Variants in NBAS observed in about 807,000 individuals in gnomAD.
NBAS encodes the protein NAG/BC035112 fusion.
NBAS carries 219 observed loss-of-function variants against 302.5 expected under a neutral mutation model. That is an observed-to-expected ratio of 0.72 (90% CI 0.65 to 0.81). The LOEUF (loss-of-function observed/expected upper bound fraction) is 0.81, where lower values mean the gene tolerates loss of function less well. Ranked by LOEUF, NBAS falls within the 30% of genes least tolerant of loss-of-function variation. The pLI is 0.00. For missense variants in NBAS, 2,932 were observed against 2,841.6 expected (o/e 1.03, Z -0.72); for synonymous variants, 1,118 against 1,021.6 (o/e 1.09, Z -1.80).
chr2:14,929,660 A>C, the NBAS span, among the ~76,000 whole-genome samples: 5 of 151,996 alleles, frequency 3.3e-5, no homozygotes, highest in African/African-American at 1.2e-4. Flanking sequence ...TTACAGGGGT[A>C]AGCCACCACT....
the NBAS span, among the ~76,000 whole-genome samples, chr2:14,892,792 CT>C: frequency 1.3e-5 from 2 of 151,708 alleles, no homozygotes; most frequent in Non-Finnish European, 2.9e-5. Context: ...TAGTGTATTA[CT>C]TTTTGAATAC....
chr2:15,531,527 G>T (rs1663214973), intron 9 of NBAS, among the ~76,000 whole-genome samples: 1 of 152,118 alleles, frequency 6.6e-6, no homozygotes, highest in African/African-American at 2.4e-5. Context: ...TCAAAACGTG[G>T]CAAATTAAAA....
the NBAS span, among the ~76,000 whole-genome samples, chr2:14,948,060 C>T: frequency 6.6e-6 from 1 of 151,818 alleles, no homozygotes; most frequent in South Asian, 2.1e-4. Flanking sequence ...GTTTGATGGA[C>T]AAAGTAAGAC....
intron 50 of NBAS, among the ~76,000 whole-genome samples, chr2:15,184,555 T>C (rs1252474031): frequency 1.3e-5 from 2 of 152,124 alleles, no homozygotes; most frequent in Admixed American, 6.5e-5. Flanking sequence ...CTTGTGCTCC[T>C]ATAAGAATCT....
the NBAS span, among the ~76,000 whole-genome samples, chr2:14,808,833 T>G: frequency 6.6e-6 from 1 of 152,198 alleles, no homozygotes; most frequent in Non-Finnish European, 1.5e-5. Flanking sequence ...GTTGAGTGGC[T>G]TTGAGCAAAA....
At position 15,394,246 on chromosome 2, in the gene NBAS, T is replaced by C. The variant is rs745895319; in HGVS notation, c.3238A>G (p.Thr1080Ala). The C allele has an allele frequency of 1.2e-6, 2 of 1,610,824 alleles. No individual in the cohort carries two copies. Among genetic ancestry groups the C allele is most frequent in the Admixed American group, 3.3e-5 (2 of 59,734 alleles). ...ACTCACTTCCGGCCAGTGTGCCTCG[T>C]CAATCTAACCATCAGCTTGCGTGCC... ...EEARKLMVRL[T>A]RHTGRKQPPV... Residue 1080 changes from threonine (T) to alanine (A), a missense_variant, in exon 28 of 52, where the codon ACG becomes GCG. Thr to Ala is a moderately conservative substitution (Grantham distance 58). Transcript: ENST00000281513.
At chr2:15,466,051 G>A (rs894792423) in intron 19 of NBAS, among the ~76,000 whole-genome samples, 1 of 152,054 alleles carries the variant, frequency 6.6e-6, no homozygotes, top group Non-Finnish European at 1.5e-5. Flanking sequence ...AAACTACTAA[G>A]AGTGTTTTGT....
chr2:14,801,656 A>G, the NBAS span, among the ~76,000 whole-genome samples: 3 of 151,656 alleles, frequency 2.0e-5, no homozygotes, highest in East Asian at 1.9e-4. Flanking sequence ...TCCTTTTATT[A>G]TGGGTTATAT....
At chr2:14,836,542 C>T in the NBAS span, among the ~76,000 whole-genome samples, 7 of 151,866 alleles carry the variant, frequency 4.6e-5, no homozygotes, top group Admixed American at 3.3e-4. Flanking sequence ...AGTGCTCTTC[C>T]GTGTGCGTGA....
At chr2:15,098,397 A>G in the NBAS span, among the ~76,000 whole-genome samples, 14 of 66,064 alleles carry the variant, frequency 2.1e-4, 1 homozygote, top group African/African-American at 8.4e-4. Flanking sequence ...ATTGTATATT[A>G]TATATTATAT....
intron 24 of NBAS, 51 bp from the exon 25 acceptor site, chr2:15,415,770 A>C (rs756621202): frequency 6.3e-7 from 1 of 1,588,444 alleles, no homozygotes; most frequent in Non-Finnish European, 8.6e-7. Context: ...GTTAAACTAA[A>C]TGCCTTATTA....
intron 48 of NBAS, among the ~76,000 whole-genome samples, chr2:15,206,168 G>A (rs1283057195): frequency 6.6e-6 from 1 of 152,188 alleles, no homozygotes; most frequent in African/African-American, 2.4e-5. Context: ...CTCAGATGGA[G>A]ATGAGGAAGT....
rs1465932652 is a variant in NBAS, at chr2:15,247,676, C to A, written c.5725-8990G>T. ...CCAAGAAGAGCTACTCTCTCTCTCT[C>A]TCTCTATATATATATCTATATATCT... is the stretch of plus-strand genomic sequence containing the variant. On this transcript the variant is annotated intron_variant, in intron 44 of 51. Transcript: ENST00000281513. Among the ~76,000 whole-genome samples, 43 of 128,432 alleles carry A rather than the reference C, an allele frequency of 3.3e-4. No homozygotes were observed. In the East Asian group the frequency reaches 3.9e-3, roughly 12 times the overall value. The allele number at this position is 128,432 out of a possible 152,430, so 84.3% of individuals were successfully genotyped here.
At chr2:15,229,340 C>CAA (rs1331577908) in intron 47 of NBAS, among the ~76,000 whole-genome samples, 2 of 9,686 alleles carry the variant, frequency 2.1e-4, no homozygotes, top group South Asian at 3.4e-3. Context: ...GACTCTGTCT[C>CAA]AAAAAACAAA....
At chr2:15,087,220 A>G in the NBAS span, among the ~76,000 whole-genome samples, 4 of 77,778 alleles carry the variant, frequency 5.1e-5, no homozygotes, top group Admixed American at 3.6e-4. Flanking sequence ...ATCTTTTTAT[A>G]CAAACACACA....
chr2:15,511,183 C>T (rs765118714), intron 10 of NBAS, 29 bp downstream of exon 10: 3 of 1,613,678 alleles, frequency 1.9e-6, no homozygotes, highest in South Asian at 2.2e-5. Context: ...TGACACATAG[C>T]AAAGTGAAGT....
chr2:14,780,625 C>A, the NBAS span, among the ~76,000 whole-genome samples: 1 of 152,210 alleles, frequency 6.6e-6, no homozygotes, highest in African/African-American at 2.4e-5. Context: ...ATAAAGCTTG[C>A]TTTCATCAAA....
At chr2:15,146,721 A>T in the NBAS span, among the ~76,000 whole-genome samples, 1 of 152,134 alleles carries the variant, frequency 6.6e-6, no homozygotes, top group African/African-American at 2.4e-5. Context: ...ATGGCAGAGC[A>T]GATAGATGGT....
intron 23 of NBAS, among the ~76,000 whole-genome samples, chr2:15,421,111 A>G (rs1034094240): frequency 6.6e-6 from 1 of 152,198 alleles, no homozygotes; most frequent in African/African-American, 2.4e-5. Flanking sequence ...CCGAAAGAAT[A>G]CATCTACCTT....
Sources: gnomAD v4.1 joint callset for allele counts (sites outside exome capture counted in the v4.1 genomes callset) on GRCh38, gnomAD v4.1.1 for gene constraint, MANE v1.5 for transcripts, NCBI Gene and HGNC (gene_info 2026-07-23, HGNC 2026-07-21) for gene names.